Variants in ENTREP1 observed in about 807,000 individuals in gnomAD.
ENTREP1 encodes the protein endosomal transmembrane epsin interactor 1.
At chr9:69,326,736 T>C in the ENTREP1 span, among the ~76,000 whole-genome samples, 86 of 152,048 alleles carry the variant, frequency 5.7e-4, no homozygotes, top group African/African-American at 2.0e-3. Context: ...AATTTTTAAT[T>C]TTTATTTTTA....
the ENTREP1 span, chr9:69,387,797 G>T: frequency 4.6e-6 from 4 of 864,418 alleles, no homozygotes; most frequent in Non-Finnish European, 6.3e-6. Flanking sequence ...TCCTTTCATT[G>T]GTCAGCCACA....
At chr9:69,324,718 C>A in the ENTREP1 span, 41 of 983,768 alleles carry the variant, frequency 4.2e-5, no homozygotes, top group Non-Finnish European at 4.6e-5. Flanking sequence ...CCCATCGAGT[C>A]GCCCCAAAGC....
the ENTREP1 span, among the ~76,000 whole-genome samples, chr9:69,338,256 T>C: frequency 2.0e-5 from 3 of 152,230 alleles, no homozygotes; most frequent in Non-Finnish European, 2.9e-5. Context: ...AATGACTCTC[T>C]AGGTTTATGG....
chr9:69,333,160 C>T, the ENTREP1 span, among the ~76,000 whole-genome samples: 4 of 151,618 alleles, frequency 2.6e-5, no homozygotes, highest in Admixed American at 2.6e-4. Flanking sequence ...GAGAAAAATA[C>T]ATATATATGT....
At chr9:69,391,691 G>T in the ENTREP1 span, 1 of 1,614,048 alleles carries the variant, frequency 6.2e-7, no homozygotes. Context: ...GAGCTGCGGC[G>T]ACCTTCACAC....
the ENTREP1 span, among the ~76,000 whole-genome samples, chr9:69,370,477 C>G: frequency 6.6e-6 from 1 of 152,160 alleles, no homozygotes; most frequent in Non-Finnish European, 1.5e-5. Flanking sequence ...GAAACAGTAA[C>G]AACAGCAGCT....
At chr9:69,373,023 T>C in the ENTREP1 span, among the ~76,000 whole-genome samples, 21 of 59,876 alleles carry the variant, frequency 3.5e-4, no homozygotes, top group African/African-American at 1.6e-3. Context: ...CATTTTAAAA[T>C]TGAGTTATTT....
At chr9:69,355,166 T>C in the ENTREP1 span, among the ~76,000 whole-genome samples, 1 of 152,268 alleles carries the variant, frequency 6.6e-6, no homozygotes, top group African/African-American at 2.4e-5. Context: ...TAACTTAAAG[T>C]TTCTCAAATT....
chr9:69,329,303 A>G, the ENTREP1 span: 1 of 938,964 alleles, frequency 1.1e-6, no homozygotes, highest in Non-Finnish European at 1.3e-6. Flanking sequence ...TTGATACAAA[A>G]TTAGGTTCAA....
At chr9:69,367,886 C>CAT in the ENTREP1 span, among the ~76,000 whole-genome samples, 13 of 129,972 alleles carry the variant, frequency 1.0e-4, no homozygotes, top group Admixed American at 1.6e-4. Context: ...TATATATACA[C>CAT]ATATATATAT....
At chr9:69,325,494 C>T in the ENTREP1 span, 1 of 948,372 alleles carries the variant, frequency 1.1e-6, no homozygotes, top group Non-Finnish European at 1.3e-6. Context: ...GCGGCCACCG[C>T]TGCTGCCGGG....
chr9:69,340,676 T>TGC, the ENTREP1 span, among the ~76,000 whole-genome samples: 4 of 136,700 alleles, frequency 2.9e-5, no homozygotes, highest in African/African-American at 8.3e-5. Flanking sequence ...CGTGTGTGTG[T>TGC]GCATGCATGT....
At chr9:69,331,358 C>A in the ENTREP1 span, among the ~76,000 whole-genome samples, 1 of 152,160 alleles carries the variant, frequency 6.6e-6, no homozygotes, top group East Asian at 1.9e-4. Flanking sequence ...TTGGTTTTTA[C>A]GTTGGAAAAT....
chr9:69,331,093 A>G, the ENTREP1 span, among the ~76,000 whole-genome samples: 2 of 152,256 alleles, frequency 1.3e-5, no homozygotes, highest in African/African-American at 2.4e-5. Flanking sequence ...ATACACACAC[A>G]TACACACACA....
the ENTREP1 span, among the ~76,000 whole-genome samples, chr9:69,340,608 T>C: frequency 4.1e-4 from 60 of 147,234 alleles, no homozygotes; most frequent in African/African-American, 1.4e-3. Flanking sequence ...CATGTGTGTG[T>C]GTGCATGTGT....
the ENTREP1 span, among the ~76,000 whole-genome samples, chr9:69,367,452 C>T: frequency 6.6e-6 from 1 of 150,718 alleles, no homozygotes; most frequent in African/African-American, 2.4e-5. Flanking sequence ...GGGGAATATG[C>T]TCATTTTGAT....
the ENTREP1 span, among the ~76,000 whole-genome samples, chr9:69,335,012 G>A: frequency 1.3e-5 from 2 of 151,952 alleles, no homozygotes; most frequent in Non-Finnish European, 2.9e-5. Context: ...CACCTGCCTC[G>A]GCCTCCCAAA....
chr9:69,363,366 C>T, the ENTREP1 span, among the ~76,000 whole-genome samples: 11 of 152,072 alleles, frequency 7.2e-5, no homozygotes, highest in Non-Finnish European at 1.6e-4. Flanking sequence ...AGGAATGGGG[C>T]TTAATGAGCA....
chr9:69,353,836 T>A, the ENTREP1 span, among the ~76,000 whole-genome samples: 1 of 152,210 alleles, frequency 6.6e-6, no homozygotes, highest in South Asian at 2.1e-4. Context: ...AGCGAAGAGA[T>A]GACTCCAATT....
Sources: allele counts gnomAD v4.1 joint callset (sites outside exome capture counted in the v4.1 genomes callset), GRCh38; gene constraint gnomAD v4.1.1; transcripts MANE v1.5; gene names NCBI Gene and HGNC (gene_info 2026-07-23, HGNC 2026-07-21).